The following BCL2L13 variants were observed in gnomAD, a reference collection of about 807,000 sequenced individuals.
BCL2L13 encodes the protein BCL2 like 13, also known as bcl-2-like protein 13.
A neutral mutation model predicts 25.8 loss-of-function variants in BCL2L13; 13 were observed. The ratio of observed to expected loss-of-function variants is 0.50; its 90% CI spans 0.33 to 0.80. BCL2L13 has a LOEUF of 0.80. Among genes scored for constraint, BCL2L13 ranks in the 30% least tolerant of loss-of-function variants. The pLI is 0.02. For synonymous variants in BCL2L13, 244 were observed against 230.3 expected, an observed-to-expected ratio of 1.06 and a Z score of -0.54; for missense variants, 504 against 574.9, an observed-to-expected ratio of 0.88 and a Z score of 1.26.
chr22:17,696,001 C>T (rs564927702), intron 4 of BCL2L13, 140 bp from the exon 5 acceptor site: 6 of 540,122 alleles, frequency 1.1e-5, no homozygotes, highest in East Asian at 3.4e-5. Flanking sequence ...TGAAAAGCCA[C>T]GTCTTGTACA....
intron 2 of BCL2L13, among the ~76,000 whole-genome samples, chr22:17,656,808 A>G (rs547057365): frequency 6.6e-6 from 1 of 152,112 alleles, no homozygotes; most frequent in African/African-American, 2.4e-5. Context: ...TCATAATGAT[A>G]CAGTTTATTT....
At chr22:17,629,821 A>G (rs2057968341) in intron 1 of BCL2L13, among the ~76,000 whole-genome samples, 1 of 107,058 alleles carries the variant, frequency 9.3e-6, no homozygotes, top group African/African-American at 3.3e-5. Context: ...ATTTTCATAC[A>G]CACACACACA....
upstream of BCL2L13, among the ~76,000 whole-genome samples, chr22:17,634,807 G>A (rs991940151): frequency 6.6e-6 from 1 of 151,964 alleles, no homozygotes; most frequent in African/African-American, 2.4e-5. Flanking sequence ...AATTAGCCAG[G>A]CTTTCTGGTG....
chr22:17,667,963 C>CTTTTTT (rs71201863), intron 2 of BCL2L13, among the ~76,000 whole-genome samples: 3 of 71,690 alleles, frequency 4.2e-5, no homozygotes, highest in African/African-American at 1.1e-4. Flanking sequence ...TCCAGTTTGT[C>CTTTTTT]TTTTTTTTTT....
At chr22:17,674,890 A>G (rs1601611141) in intron 2 of BCL2L13, among the ~76,000 whole-genome samples, 1 of 152,116 alleles carries the variant, frequency 6.6e-6, no homozygotes, top group African/African-American at 2.4e-5. Context: ...GTGGCTTATG[A>G]TGCATAATGG....
At chr22:17,640,458 A>G (rs945403767) in intron 1 of BCL2L13, among the ~76,000 whole-genome samples, 2 of 152,230 alleles carry the variant, frequency 1.3e-5, no homozygotes, top group Non-Finnish European at 2.9e-5. Context: ...CCAGTCTTGT[A>G]AAAAAACAGA....
At chr22:17,666,268 A>G (rs1357230652) in intron 2 of BCL2L13, among the ~76,000 whole-genome samples, 1 of 151,932 alleles carries the variant, frequency 6.6e-6, no homozygotes, top group Non-Finnish European at 1.5e-5. Flanking sequence ...TATGGGGTAC[A>G]TAAGATGTTT....
At chr22:17,697,461 T>C (rs1288955512) in intron 5 of BCL2L13, among the ~76,000 whole-genome samples, 1 of 152,134 alleles carries the variant, frequency 6.6e-6, no homozygotes, top group East Asian at 1.9e-4. Flanking sequence ...AATTTCAACT[T>C]TTATTTTAGA....
At chr22:17,632,397 T>C (rs1365243782) in intron 1 of BCL2L13, among the ~76,000 whole-genome samples, 2 of 152,202 alleles carry the variant, frequency 1.3e-5, no homozygotes, top group East Asian at 3.9e-4. Context: ...TTGATCACTA[T>C]TGAGCTAAAC....
chr22:17,638,740 C>T, upstream of BCL2L13: 2 of 1,231,744 alleles, frequency 1.6e-6, no homozygotes, highest in Non-Finnish European at 2.0e-6. Context: ...GTGACGAAGG[C>T]ACGCCGGGGT....
rs1267302009 is a variant in BCL2L13 at position 17,659,344 on chromosome 22, A to G, written c.121+3512A>G. ...GTGCCATTGCACTTCAGCCTGGGTG[A>G]CAGAGCGAGACTTCGTCTCAAAAAA... is the stretch of plus-strand genomic sequence containing the variant. On this transcript the variant is annotated intron_variant, in intron 2 of 6. Transcript: ENST00000317582. 1.2e-4 allele frequency among the ~76,000 whole-genome samples: 17 copies of G among 146,046 alleles called. 3 individuals are homozygous for G. In the Admixed American group the frequency reaches 1.2e-3, roughly 10 times the overall value.
intron 6 of BCL2L13, chr22:17,703,754 T>C (rs1216368389): frequency 3.3e-5 from 5 of 152,258 alleles, no homozygotes; most frequent in Admixed American, 3.3e-4. Context: ...TTTTTTGAGC[T>C]GTTCTTAAAA....
At chr22:17,690,875 C>A (rs890087911) in intron 4 of BCL2L13, among the ~76,000 whole-genome samples, 2 of 152,040 alleles carry the variant, frequency 1.3e-5, no homozygotes, top group Non-Finnish European at 2.9e-5. Context: ...ATAAAACTTA[C>A]ACAGGAAATT....
chr22:17,674,813 A>G (rs574298095), intron 2 of BCL2L13, among the ~76,000 whole-genome samples: 7 of 152,222 alleles, frequency 4.6e-5, no homozygotes, highest in African/African-American at 1.7e-4. Flanking sequence ...AGAAATTGGC[A>G]GTGAGTTCAT....
chr22:17,637,005 G>T (rs1412546953), upstream of BCL2L13, among the ~76,000 whole-genome samples: 1 of 152,142 alleles, frequency 6.6e-6, no homozygotes, highest in East Asian at 1.9e-4. Context: ...GGGCGCGGTG[G>T]CGCACCCCTG....
At chr22:17,640,896 A>AT (rs375190704) in intron 1 of BCL2L13, among the ~76,000 whole-genome samples, 3,109 of 35,794 alleles carry the variant, frequency 0.087, 28 homozygotes, top group African/African-American at 0.18. Context: ...ATATATATAT[A>AT]TATTTTTTTT....
chr22:17,727,862 C>A lies in BCL2L13; in HGVS notation c.*328C>A. On this transcript the variant is annotated 3_prime_UTR_variant, in exon 7 of 7. Transcript: ENST00000317582. ...GGGGCTGTCCTGTGTGTGGTGGGCT[C>A]CACCCACTAGATGCCAGTGGCACCC... 1 of 320,428 alleles carries A rather than the reference C, an allele frequency of 3.1e-6. No individual in the cohort carries two copies. The allele number at this position is 320,428 out of a possible 1,614,324, so 19.8% of individuals were successfully genotyped here. A position where few individuals can be genotyped will look rare whatever the true frequency, so the allele number is the denominator to read the frequency against.
chr22:17,718,145 T>C (rs1441275937), intron 6 of BCL2L13, among the ~76,000 whole-genome samples: 1 of 150,740 alleles, frequency 6.6e-6, no homozygotes. Context: ...AGATTGCTTA[T>C]ATTAGAGTAA....
intron 1 of BCL2L13, among the ~76,000 whole-genome samples, chr22:17,653,526 G>A (rs755799361): frequency 2.8e-5 from 4 of 142,536 alleles, no homozygotes; most frequent in Non-Finnish European, 6.0e-5. Context: ...TTGAGACAGG[G>A]TCTTGCTTTG....
Sources: gnomAD v4.1 joint callset for allele counts (sites outside exome capture counted in the v4.1 genomes callset) on GRCh38, gnomAD v4.1.1 for gene constraint, MANE v1.5 for transcripts, NCBI Gene and HGNC (gene_info 2026-07-23, HGNC 2026-07-21) for gene names.